Variants in BRIX1 observed in about 807,000 individuals in gnomAD.
BRIX1 encodes biogenesis of ribosomes BRX1.
BRIX1 carries 15 observed loss-of-function variants against 44.0 expected under a neutral mutation model. The observed-to-expected ratio is 0.34, with a 90% CI of 0.23 to 0.53. The LOEUF is 0.53. Ranked by LOEUF, BRIX1 falls within the 20% of genes least tolerant of loss-of-function variation. BRIX1 has a pLI of 0.95. For synonymous variants in BRIX1, 149 were observed against 135.4 expected (o/e 1.10, Z -0.70); for missense variants, 420 against 432.8 (o/e 0.97, Z 0.26).
chr5:34,918,451 A>C lies in BRIX1; in HGVS notation c.247A>C (p.Met83Leu). ...AAGACATTTAATGCAGGACTTGAGA[A>C]TGTTGATGCCTCATTCTAAAGCAGG... ...RTRHLMQDLR[M>L]LMPHSKADTK... Residue 83 changes from methionine to leucine, a missense_variant, in exon 2 of 10, where the codon ATG becomes CTG. Met to Leu is a conservative substitution (Grantham distance 15, BLOSUM62 2). Transcript: ENST00000336767. 1 of 1,607,894 alleles carries C rather than the reference A, an allele frequency of 6.2e-7. No individual in the cohort carries two copies.
At chr5:34,922,462 A>T in intron 4 of BRIX1, 77 bp from the exon 5 acceptor site, 1 of 984,990 alleles carries the variant, frequency 1.0e-6, no homozygotes, top group Non-Finnish European at 1.6e-6. Context: ...TTATAAGCAT[A>T]TTATTTATGG....
intron 3 of BRIX1, chr5:34,921,101 A>G (rs1764227560): frequency 6.6e-6 from 1 of 152,242 alleles, no homozygotes; most frequent in Non-Finnish European, 1.5e-5. Context: ...TCGGCCTCCC[A>G]AAGTGCTGGG....
At chr5:34,923,525 G>A (rs1032831872) in intron 8 of BRIX1, among the ~76,000 whole-genome samples, 11 of 152,222 alleles carry the variant, frequency 7.2e-5, no homozygotes, top group Middle Eastern at 3.4e-3. Flanking sequence ...CCATCTGCCC[G>A]CCTTGGCCTC....
rs1161366153 is a variant in BRIX1 at position 34,915,858 on chromosome 5, GGAA to G, written c.126_128del (p.Glu43del). ...GGCACGCCACAGCAGAGGAGGTGGA[GGAA>G]GAAGAGAGGGACCGGATCCCAGGCC... On this transcript the variant is annotated inframe_deletion, in exon 1 of 10. Transcript: ENST00000336767. 6.4e-7 allele frequency: 1 copy of G among 1,564,878 alleles called. No individual in the cohort carries two copies. The highest frequency in any genetic ancestry group is 1.2e-5 in the South Asian group (1 of 85,068).
Position 34,925,796 on chromosome 5 carries a change from G to C in BRIX1, c.*301G>C, listed in dbSNP as rs560235847. 3.9e-6 allele frequency: 1 copy of C among 254,202 alleles called. No individual in the cohort carries two copies. Among genetic ancestry groups the C allele is most frequent in the East Asian group, 8.4e-5 (1 of 11,866 alleles). The allele number at this position is 254,202 out of a possible 1,614,324, so 15.7% of individuals were successfully genotyped here. A position where few individuals can be genotyped will look rare whatever the true frequency, so the allele number is the denominator to read the frequency against. ...AAAGCTGAAATTCAGACATTTATTA[G>C]GTCATATTATTTGTAAAAGCATTCA... is the stretch of plus-strand genomic sequence containing the variant. On this transcript the variant is annotated 3_prime_UTR_variant, in exon 10 of 10. Transcript: ENST00000336767.
chr5:34,919,552 C>A (rs1262672329), intron 2 of BRIX1, among the ~76,000 whole-genome samples: 4 of 152,092 alleles, frequency 2.6e-5, no homozygotes, highest in Non-Finnish European at 5.9e-5. Flanking sequence ...TGAGAATTTT[C>A]CCATTTTTGA....
At chr5:34,922,042 T>G (rs959509118) in intron 3 of BRIX1, 175 bp from the exon 4 acceptor site, 1 of 378,336 alleles carries the variant, frequency 2.6e-6, no homozygotes, top group Non-Finnish European at 4.7e-6. Context: ...TTGGGTAGAA[T>G]ACCTAAGAGG....
intron 2 of BRIX1, chr5:34,918,714 T>C (rs543181044): frequency 1.7e-5 from 6 of 357,352 alleles, no homozygotes; most frequent in Admixed American, 4.6e-5. Context: ...AAACATTTCT[T>C]GAAGGTCCAG....
chr5:34,918,445 T>G lies in BRIX1; in HGVS notation c.241T>G (p.Leu81Val). 1 of 1,608,968 alleles carries G rather than the reference T, an allele frequency of 6.2e-7. No homozygotes were observed. The highest frequency in any genetic ancestry group is 8.5e-7 in the Non-Finnish European group (1 of 1,176,810). ...TAGAACAAGACATTTAATGCAGGAC[T>G]TGAGAATGTTGATGCCTCATTCTAA... ...NFRTRHLMQD[L>V]RMLMPHSKAD... Residue 81 changes from leucine to valine, a missense_variant, in exon 2 of 10, where the codon TTG (leucine) becomes GTG (valine). Physicochemically the swap from Leu to Val is conservative, Grantham distance 32. Transcript: ENST00000336767.
At chr5:34,918,140 CAAA>C (rs1184236238) in intron 1 of BRIX1, 206 of 103,218 alleles carry the variant, frequency 2.0e-3, no homozygotes, top group South Asian at 3.6e-3. Flanking sequence ...CCCATCTCTA[CAAA>C]AAAAAAAAAA....
chr5:34,923,771 T>C (rs184427049), intron 8 of BRIX1, among the ~76,000 whole-genome samples: 26 of 152,288 alleles, frequency 1.7e-4, no homozygotes, highest in African/African-American at 5.5e-4. Flanking sequence ...TGCAAATAAT[T>C]CTTTTGTTTT....
At chr5:34,917,979 G>A (rs1164503425) in intron 1 of BRIX1, 1 of 154,846 alleles carries the variant, frequency 6.5e-6, no homozygotes, top group Non-Finnish European at 1.4e-5. Flanking sequence ...AAGGAGTCAG[G>A]ATGGTTTGAC....
chr5:34,919,840 A>G lies in BRIX1; in HGVS notation c.272A>G (p.Asp91Gly), dbSNP rs778598832. The change falls in exon 3 of 10, where the codon GAT becomes GGT. Residue 91 changes from aspartate to glycine, a missense_variant and splice_region_variant. Asp to Gly is a moderately conservative substitution (Grantham distance 94). Transcript: ENST00000336767. ...LRMLMPHSKA[D>G]TKMDRKDKLF... ...CTTTTTCTTTTTTTTCTTTTTCTAGATACTAAAATGGATCGTAAGGATAAG... is the reference window on the plus strand; with the variant it reads ...CTTTTTCTTTTTTTTCTTTTTCTAGGTACTAAAATGGATCGTAAGGATAAG... 1.1e-5 allele frequency: 12 copies of G among 1,054,012 alleles called. No individual in the cohort carries two copies. The South Asian group carries it at 2.0e-4, about 18-fold the overall frequency. The allele number at this position is 1,054,012 out of a possible 1,614,324, so 65.3% of individuals were successfully genotyped here. A position where few individuals can be genotyped will look rare whatever the true frequency, so the allele number is the denominator to read the frequency against.
Position 34,918,391 on chromosome 5 carries a change from C to T in BRIX1, c.187C>T (p.Leu63Phe). 6.3e-7 allele frequency: 1 copy of T among 1,578,594 alleles called. No individual in the cohort carries two copies. The highest frequency in any genetic ancestry group is 8.7e-7 in the Non-Finnish European group (1 of 1,151,474). The change falls in exon 2 of 10, where the codon CTC becomes TTC. Residue 63 changes from leucine to phenylalanine, a missense_variant. Coordinates refer to ENST00000336767, the MANE Select transcript of BRIX1 (RefSeq NM_018321.4). ...AAAGTGGAAAAATAAGGAACGGATT[C>T]TCATCTTTTCTTCCAGAGGAATAAA... ...KGKWKNKERI[L>F]IFSSRGINFR... is the part of the protein sequence containing the mutation.
At chr5:34,924,209 G>C (rs1764303578) in intron 8 of BRIX1, among the ~76,000 whole-genome samples, 2 of 152,212 alleles carry the variant, frequency 1.3e-5, no homozygotes, top group African/African-American at 4.8e-5. Flanking sequence ...GAAAGATGAA[G>C]AGGTGGAAGA....
rs760515001 is a variant in BRIX1 at position 34,925,461 on chromosome 5, T to C, written c.1028T>C (p.Met343Thr). Residue 343 changes from methionine to threonine, a missense_variant, in exon 10 of 10, where the codon ATG becomes ACG. By Grantham distance (81) the Met-to-Thr change is moderately conservative. Transcript: ENST00000336767. ...CGGATTTACAAAAGGCAAAGAAAAA[T>C]GAAACAGAGGATGGACAGTGGGAAA... is the stretch of plus-strand genomic sequence containing the variant. ...KKRIYKRQRK[M>T]KQRMDSGKTK The C allele has an allele frequency of 6.8e-6, 11 of 1,613,552 alleles. No homozygotes were observed. Among genetic ancestry groups the C allele is most frequent in the Non-Finnish European group, 9.3e-6 (11 of 1,179,948 alleles).
intron 8 of BRIX1, among the ~76,000 whole-genome samples, chr5:34,924,115 G>C (rs756194921): frequency 6.6e-6 from 1 of 152,204 alleles, no homozygotes; most frequent in African/African-American, 2.4e-5. Flanking sequence ...GCGGTTAGAT[G>C]ATGAGTCACA....
intron 8 of BRIX1, among the ~76,000 whole-genome samples, chr5:34,924,320 C>G (rs1327768447): frequency 6.6e-6 from 1 of 152,190 alleles, no homozygotes; most frequent in African/African-American, 2.4e-5. Flanking sequence ...ACACATCATC[C>G]TAACCTCTGA....
chr5:34,922,188 T>G (rs778000657), intron 3 of BRIX1, 29 bp from the exon 4 acceptor site: 10 of 1,284,052 alleles, frequency 7.8e-6, no homozygotes, highest in Non-Finnish European at 1.1e-5. Flanking sequence ...TATTATCTAC[T>G]TCATTTTCCT....
Sources: allele counts gnomAD v4.1 joint callset (sites outside exome capture counted in the v4.1 genomes callset), GRCh38; gene constraint gnomAD v4.1.1; transcripts MANE v1.5; gene names NCBI Gene and HGNC (gene_info 2026-07-23, HGNC 2026-07-21).